The following SVEP1 variants were observed in gnomAD, a reference collection of about 807,000 sequenced individuals.
The protein encoded by SVEP1 is sushi, von Willebrand factor type A, EGF and pentraxin domain-containing protein 1.
In SVEP1, 164 loss-of-function variants were observed where a neutral mutation model predicts 367.3. The ratio of observed to expected loss-of-function variants is 0.45; its 90% CI spans 0.39 to 0.51. SVEP1 has a LOEUF of 0.51. SVEP1 is among the 20% of genes least tolerant of loss of function. The pLI is 0.00. For missense variants in SVEP1, 4,117 were observed against 4,425.3 expected (o/e 0.93, Z 1.98); for synonymous variants, 1,666 against 1,611.6 (o/e 1.03, Z -0.81).
intron 36 of SVEP1, among the ~76,000 whole-genome samples, chr9:110,424,787 G>A (rs966102205): frequency 2.6e-5 from 4 of 152,094 alleles, no homozygotes; most frequent in Non-Finnish European, 4.4e-5. Flanking sequence ...CAAGTCTCCC[G>A]CCTCAGCCTC....
intron 39 of SVEP1, among the ~76,000 whole-genome samples, 180 bp downstream of exon 39, chr9:110,404,147 A>G (rs1827915838): frequency 6.6e-6 from 1 of 152,194 alleles, no homozygotes; most frequent in Non-Finnish European, 1.5e-5. Flanking sequence ...TTAAAGTGGG[A>G]ATACTGCAGA....
chr9:110,396,546 T>C (rs1015659313), intron 40 of SVEP1, among the ~76,000 whole-genome samples: 10 of 151,992 alleles, frequency 6.6e-5, no homozygotes, highest in African/African-American at 2.2e-4. Context: ...TTCAAAAAAT[T>C]AATGAATCCA....
intron 3 of SVEP1, among the ~76,000 whole-genome samples, chr9:110,536,148 G>T (rs1052183533): frequency 2.9e-4 from 44 of 152,002 alleles, no homozygotes; most frequent in African/African-American, 1.1e-3. Flanking sequence ...TTTATTAAGA[G>T]TTTTTAACAT....
At chr9:110,423,082 G>T (rs1454207002) in intron 36 of SVEP1, among the ~76,000 whole-genome samples, 1 of 129,402 alleles carries the variant, frequency 7.7e-6, no homozygotes, top group Non-Finnish European at 1.6e-5. Flanking sequence ...TAACTAACCT[G>T]CACAATGTGC....
chr9:110,538,177 G>T (rs1353090085), intron 3 of SVEP1, among the ~76,000 whole-genome samples: 1 of 152,040 alleles, frequency 6.6e-6, no homozygotes, highest in South Asian at 2.1e-4. Flanking sequence ...CACTATCAGG[G>T]CTGAATACCT....
chr9:110,431,653 T>C (rs1373463999), intron 32 of SVEP1, among the ~76,000 whole-genome samples: 1 of 152,206 alleles, frequency 6.6e-6, no homozygotes, highest in Non-Finnish European at 1.5e-5. Context: ...TTGTACTATG[T>C]AGACGTTTCA....
At chr9:110,496,970 G>A in intron 7 of SVEP1, 37 bp from the exon 8 acceptor site, 5 of 1,321,050 alleles carry the variant, frequency 3.8e-6, no homozygotes, top group Non-Finnish European at 5.3e-6. Flanking sequence ...TTAATACACT[G>A]ATATGTGGTC....
intron 40 of SVEP1, among the ~76,000 whole-genome samples, chr9:110,399,546 T>C: frequency 6.6e-6 from 1 of 152,094 alleles, no homozygotes; most frequent in East Asian, 1.9e-4. Flanking sequence ...TTTGTTTTTG[T>C]TTTTGAGACA....
intron 43 of SVEP1, among the ~76,000 whole-genome samples, chr9:110,383,410 C>T (rs761814780): frequency 1.1e-4 from 16 of 152,294 alleles, no homozygotes; most frequent in African/African-American, 2.2e-4. Context: ...TACCAGCGGA[C>T]GCTGCAGAAC....
chr9:110,493,799 T>C (rs970585441), intron 8 of SVEP1, among the ~76,000 whole-genome samples: 3 of 152,146 alleles, frequency 2.0e-5, no homozygotes, highest in Non-Finnish European at 4.4e-5. Flanking sequence ...TGTGGTCTTA[T>C]AGGTTAGAGA....
At chr9:110,449,121 T>C (rs1828651218) in intron 24 of SVEP1, among the ~76,000 whole-genome samples, 1 of 152,210 alleles carries the variant, frequency 6.6e-6, no homozygotes, top group Admixed American at 6.5e-5. Flanking sequence ...TCTTCTGTAC[T>C]TCCCTGCAAA....
Position 110,400,931 on chromosome 9 carries a change from G to T in SVEP1, c.9745C>A (p.His3249Asn), listed in dbSNP as rs1192158141. The T allele has an allele frequency of 6.2e-7, 1 of 1,613,916 alleles. No individual in the cohort carries two copies. Among genetic ancestry groups the T allele is most frequent in the South Asian group, 1.1e-5 (1 of 91,082 alleles). Residue 3249 changes from histidine to asparagine, a missense_variant, in exon 40 of 48, where the codon CAT (histidine) becomes AAT (asparagine). Physicochemically the swap from His to Asn is moderately conservative, Grantham distance 68. This residue lies in a region of SVEP1 where 1,765 missense variants were observed against 1,781.1 expected (regional missense o/e 0.99). Transcript: ENST00000374469. ...VSCGKPESPE[H>N]GFVVGSKYTF... The stretch of plus-strand genomic sequence containing the variant: ...TATTTACTGCCAACCACAAATCCAT[G>T]TTCTGGACTTTCAGGTTTCCCACAA...
At position 110,369,928 on chromosome 9, in the gene SVEP1, A is replaced by C; in HGVS notation, c.10689T>G (p.Cys3563Trp). The stretch of plus-strand genomic sequence containing the variant: ...TTAGTTTTTGGTTATCTTACCTGGA[A>C]CAGTTATGTCCCGTCCAAGAAGAAA... The part of the protein sequence containing the change: ...HCLSSWTGHN[C>W]SRKRRTGF Residue 3563 changes from cysteine to tryptophan, a missense_variant, in exon 47 of 48, where the codon TGT (cysteine) becomes TGG (tryptophan). Cys to Trp is a radical substitution (Grantham distance 215). Around this residue, in one of 4 missense-constraint regions of SVEP1, gnomAD observed 1,765 missense variants for 1,781.1 expected, o/e 0.99. Transcript: ENST00000374469. 1 of 1,611,778 alleles carries C rather than the reference A, an allele frequency of 6.2e-7. No individual in the cohort carries two copies. The highest frequency in any genetic ancestry group is 8.5e-7 in the Non-Finnish European group (1 of 1,178,858).
intron 8 of SVEP1, 92 bp from the exon 9 acceptor site, chr9:110,489,871 T>C: frequency 2.2e-6 from 3 of 1,378,032 alleles, no homozygotes; most frequent in Non-Finnish European, 2.9e-6. Context: ...TTAACAATGA[T>C]ACAATATTTC....
At chr9:110,528,987 G>A (rs1829981805) in intron 3 of SVEP1, among the ~76,000 whole-genome samples, 1 of 151,990 alleles carries the variant, frequency 6.6e-6, no homozygotes, top group African/African-American at 2.4e-5. Flanking sequence ...AGGTTTAGTT[G>A]TAGAATTTTC....
intron 13 of SVEP1, among the ~76,000 whole-genome samples, chr9:110,478,462 C>A (rs12376098): frequency 2.6e-5 from 4 of 152,010 alleles, no homozygotes; most frequent in Non-Finnish European, 4.4e-5. Flanking sequence ...CCTTATAGCA[C>A]CTTTAACCTG....
intron 6 of SVEP1, among the ~76,000 whole-genome samples, chr9:110,500,889 A>G (rs1346113416): frequency 6.6e-6 from 1 of 151,806 alleles, no homozygotes; most frequent in African/African-American, 2.4e-5. Context: ...GTGATTGTTC[A>G]TTACAATATT....
At chr9:110,519,105 CA>C (rs1356606916) in intron 3 of SVEP1, among the ~76,000 whole-genome samples, 1 of 152,118 alleles carries the variant, frequency 6.6e-6, no homozygotes, top group East Asian at 1.9e-4. Flanking sequence ...GGAGTTTGAG[CA>C]ATTTACTTCA....
chr9:110,445,682 A>C (rs7847560), intron 26 of SVEP1, among the ~76,000 whole-genome samples, 155 bp downstream of exon 26: 122,760 of 152,142 alleles, frequency 0.81, 49,746 homozygotes, highest in East Asian at 0.96. Context: ...TACGTTCTTA[A>C]AGAACTTGTT....
Sources: gnomAD v4.1 joint callset for allele counts (sites outside exome capture counted in the v4.1 genomes callset) on GRCh38, gnomAD v4.1.1 for gene constraint, gnomAD v4.1.1 regional missense constraint, MANE v1.5 for transcripts, NCBI Gene and HGNC (gene_info 2026-07-23, HGNC 2026-07-21) for gene names.